PTCHD4: variants seen among roughly 807,000 people sequenced by gnomAD.
PTCHD4 encodes patched domain-containing protein 4.
A neutral mutation model predicts 58.1 loss-of-function variants in PTCHD4; 33 were observed. The observed-to-expected ratio is 0.57, with a 90% CI of 0.43 to 0.76. The LOEUF (loss-of-function observed/expected upper bound fraction) is 0.76, where lower values mean the gene tolerates loss of function less well. Among genes scored for constraint, PTCHD4 ranks in the 30% least tolerant of loss-of-function variants. PTCHD4 has a pLI of 0.00. For synonymous variants in PTCHD4, 478 were observed against 409.6 expected (o/e 1.17, Z -2.02); for missense variants, 1,058 against 1,027.1 (o/e 1.03, Z -0.41).
chr6:48,086,152 G>A (rs1448125444), intron 1 of PTCHD4, among the ~76,000 whole-genome samples: 1 of 152,188 alleles, frequency 6.6e-6, no homozygotes, highest in Non-Finnish European at 1.5e-5. Context: ...TATGGTCTGT[G>A]TCACATACTC....
At chr6:48,052,534 A>C (rs557687608) in intron 3 of PTCHD4, among the ~76,000 whole-genome samples, 1 of 152,128 alleles carries the variant, frequency 6.6e-6, no homozygotes, top group Non-Finnish European at 1.5e-5. Context: ...AACCCTCCAC[A>C]ATTTTTGGAG....
At chr6:47,902,093 G>A (rs915154692) in intron 4 of PTCHD4, among the ~76,000 whole-genome samples, 2 of 152,080 alleles carry the variant, frequency 1.3e-5, no homozygotes, top group Non-Finnish European at 2.9e-5. Context: ...CTGATTCTGG[G>A]TGAATCAACA....
intron 3 of PTCHD4, among the ~76,000 whole-genome samples, chr6:48,047,591 C>G (rs1764080566): frequency 6.6e-6 from 1 of 151,762 alleles, no homozygotes; most frequent in South Asian, 2.1e-4. Context: ...TTATCTCTCC[C>G]CAAAATTAGT....
chr6:47,949,590 T>C (rs1581921114), intron 4 of PTCHD4, among the ~76,000 whole-genome samples: 1 of 152,120 alleles, frequency 6.6e-6, no homozygotes. Context: ...GCTATGGCTG[T>C]CTGTGTCCTT....
rs201646375 is a variant in PTCHD4, at chr6:47,864,687, G to A, written c.*13616C>T. On this transcript the variant is annotated 3_prime_UTR_variant, in exon 5 of 5. Transcript: ENST00000339488. ...CCTCACGTATTTTAGTTCTATGACT[G>A]TAGAAGAATACAAAGAGTTCATATG... Among the ~76,000 whole-genome samples the A allele has an allele frequency of 7.4e-4, 13 of 17,662 alleles. No homozygotes were observed. Among genetic ancestry groups the A allele is most frequent in the Admixed American group, 2.0e-3 (2 of 1,012 alleles). The allele number at this position is 17,662 out of a possible 152,430, so 11.6% of individuals were successfully genotyped here.
intron 1 of PTCHD4, among the ~76,000 whole-genome samples, chr6:48,076,079 T>A (rs1266246883): frequency 6.6e-6 from 1 of 152,234 alleles, no homozygotes; most frequent in Non-Finnish European, 1.5e-5. Context: ...TATGTAATGT[T>A]CTAAGTATTT....
intron 4 of PTCHD4, among the ~76,000 whole-genome samples, chr6:47,963,292 A>C (rs1227074239): frequency 6.6e-6 from 1 of 152,166 alleles, no homozygotes; most frequent in Non-Finnish European, 1.5e-5. Context: ...ATATCACCTC[A>C]CATCTGTTAG....
intron 4 of PTCHD4, among the ~76,000 whole-genome samples, chr6:47,884,033 A>G (rs2114108074): frequency 6.6e-6 from 1 of 152,106 alleles, no homozygotes; most frequent in Admixed American, 6.6e-5. Context: ...AACTGCTGTT[A>G]ACAACTTCAA....
At chr6:47,933,035 T>G (rs79135470) in intron 4 of PTCHD4, among the ~76,000 whole-genome samples, 1,982 of 152,296 alleles carry the variant, frequency 0.013, 21 homozygotes, top group Non-Finnish European at 0.022. Context: ...TAAACAATAC[T>G]TCTTGCTGCT....
At chr6:47,959,871 A>C (rs1174452266) in intron 4 of PTCHD4, among the ~76,000 whole-genome samples, 5 of 151,706 alleles carry the variant, frequency 3.3e-5, no homozygotes, top group Admixed American at 2.6e-4. Flanking sequence ...CCAAATAGAA[A>C]AAAAAAAAGA....
In PTCHD4 at chr6:48,069,581, A is replaced by G. The variant is rs766810537; in HGVS notation, c.-624T>C. Among the ~76,000 whole-genome samples the G allele has an allele frequency of 6.6e-6, 1 of 152,142 alleles. No individual in the cohort carries two copies. Among genetic ancestry groups the G allele is most frequent in the Non-Finnish European group, 1.5e-5 (1 of 68,024 alleles). ...GCTGAGGGCTGCGGAGACTCCATCT[A>G]TCCCTGGTGCGTTGGGACCGTCTGG... is the stretch of plus-strand genomic sequence containing the variant. On this transcript the variant is annotated 5_prime_UTR_variant, in exon 2 of 5. Transcript: ENST00000339488.
At chr6:48,037,026 G>A (rs1017244738) in intron 3 of PTCHD4, among the ~76,000 whole-genome samples, 18 of 152,126 alleles carry the variant, frequency 1.2e-4, no homozygotes, top group African/African-American at 4.3e-4. Flanking sequence ...TTTACTGCAA[G>A]TAAAGGATGG....
chr6:48,106,984 G>A lies in PTCHD4; in HGVS notation c.-970+4065C>T, dbSNP rs376270190. Among the ~76,000 whole-genome samples, 15 of 152,206 alleles carry A rather than the reference G, an allele frequency of 9.9e-5. No homozygotes were observed. In the South Asian group the frequency reaches 1.0e-3, roughly 11 times the overall value. On this transcript the variant is annotated intron_variant, in intron 1 of 4. Transcript: ENST00000339488. ...ACAAATGGAAGAACATTCCATGCTC[G>A]TGGGTAGGAAGAATCAATATCGTGA...
chr6:47,895,458 A>G (rs1764503449), intron 4 of PTCHD4, among the ~76,000 whole-genome samples: 1 of 152,246 alleles, frequency 6.6e-6, no homozygotes, highest in Admixed American at 6.5e-5. Context: ...TGTAAAATTT[A>G]TCTCTTTGAT....
chr6:47,857,335 T>C lies in PTCHD4; in HGVS notation c.*20968A>G, dbSNP rs1228459334. On this transcript the variant is annotated 3_prime_UTR_variant, in exon 5 of 5. Coordinates refer to ENST00000339488, the MANE Select transcript of PTCHD4 (RefSeq NM_001384253.1). ...ATTGACGACACAAAGTTTCTGCGAATACGTAGTTTCATGTAGGGCATAACT... is the reference window on the plus strand; with the variant it reads ...ATTGACGACACAAAGTTTCTGCGAACACGTAGTTTCATGTAGGGCATAACT... 6.6e-6 allele frequency among the ~76,000 whole-genome samples: 1 copy of C among 152,056 alleles called. No homozygotes were observed. The highest frequency in any genetic ancestry group is 1.5e-5 in the Non-Finnish European group (1 of 67,988).
At chr6:48,078,894 G>A (rs1226346075) in intron 1 of PTCHD4, among the ~76,000 whole-genome samples, 1 of 152,020 alleles carries the variant, frequency 6.6e-6, no homozygotes, top group Admixed American at 6.6e-5. Context: ...GGAGGCGGGC[G>A]GATCACGAGG....
At chr6:47,927,874 C>T (rs1211108549) in intron 4 of PTCHD4, among the ~76,000 whole-genome samples, 5 of 151,732 alleles carry the variant, frequency 3.3e-5, no homozygotes, top group African/African-American at 4.8e-5. Context: ...CCATCTGCCT[C>T]GGCCTTCTAA....
intron 1 of PTCHD4, among the ~76,000 whole-genome samples, chr6:48,086,603 G>C (rs910168088): frequency 1.3e-5 from 2 of 152,050 alleles, no homozygotes; most frequent in Non-Finnish European, 1.5e-5. Flanking sequence ...TTATTTTTCA[G>C]AGCAAGTCTG....
chr6:47,952,422 A>G (rs1367406152), intron 4 of PTCHD4, among the ~76,000 whole-genome samples: 2 of 152,114 alleles, frequency 1.3e-5, no homozygotes, highest in African/African-American at 2.4e-5. Context: ...ATTAGCTTCT[A>G]TGAGACTACC....
Sources: allele counts gnomAD v4.1 joint callset (sites outside exome capture counted in the v4.1 genomes callset), GRCh38; gene constraint gnomAD v4.1.1; transcripts MANE v1.5; gene names NCBI Gene and HGNC (gene_info 2026-07-23, HGNC 2026-07-21).